Variants in ZSCAN5A observed in about 807,000 individuals in gnomAD.
ZSCAN5A encodes the protein zinc finger and SCAN domain containing 5A.
A neutral mutation model predicts 23.7 loss-of-function variants in ZSCAN5A; 12 were observed. That is an observed-to-expected ratio of 0.51 (90% CI 0.32 to 0.82). The LOEUF (loss-of-function observed/expected upper bound fraction) is 0.82, where lower values mean the gene tolerates loss of function less well. Ranked by LOEUF, ZSCAN5A falls within the 40% of genes least tolerant of loss-of-function variation. The pLI is 0.03. For missense variants in ZSCAN5A, 597 were observed against 617.9 expected, an observed-to-expected ratio of 0.97 and a Z score of 0.36; for synonymous variants, 257 against 239.9, an observed-to-expected ratio of 1.07 and a Z score of -0.66.
chr19:56,224,613 C>G (rs35387551), intron 3 of ZSCAN5A, 50 bp downstream of exon 3: 12 of 1,537,136 alleles, frequency 7.8e-6, no homozygotes, highest in Non-Finnish European at 1.1e-5. Flanking sequence ...CACCGTGCAG[C>G]CCCCATCCCA....
At chr19:56,324,163 A>C (rs1037909822) in intron 2 of ZSCAN5A, among the ~76,000 whole-genome samples, 6 of 152,096 alleles carry the variant, frequency 3.9e-5, no homozygotes, top group African/African-American at 1.4e-4. Context: ...ACCACCAATC[A>C]ACTCTCTAAT....
intron 2 of ZSCAN5A, among the ~76,000 whole-genome samples, chr19:56,306,877 C>T (rs374826165): frequency 5.0e-3 from 134 of 26,942 alleles, no homozygotes; most frequent in Admixed American, 6.4e-3. Flanking sequence ...CCTCCCTGGC[C>T]TCTCCCACGT....
intron 2 of ZSCAN5A, among the ~76,000 whole-genome samples, chr19:56,265,996 G>C (rs1342602626): frequency 6.6e-6 from 1 of 152,206 alleles, no homozygotes; most frequent in African/African-American, 2.4e-5. Context: ...TCAGGGTATA[G>C]AGACTTAGCA....
At chr19:56,287,954 C>T (rs2039250851) in intron 2 of ZSCAN5A, among the ~76,000 whole-genome samples, 1 of 152,224 alleles carries the variant, frequency 6.6e-6, no homozygotes, top group African/African-American at 2.4e-5. Context: ...ACTCTCGCAT[C>T]CTGGGAACCC....
chr19:56,276,130 A>T (rs913619919), intron 2 of ZSCAN5A, among the ~76,000 whole-genome samples: 2 of 152,150 alleles, frequency 1.3e-5, no homozygotes, highest in African/African-American at 4.8e-5. Context: ...TGGAACCCCC[A>T]AGTCTGTATT....
At chr19:56,237,481 A>G (rs557899829) in intron 2 of ZSCAN5A, among the ~76,000 whole-genome samples, 1 of 152,302 alleles carries the variant, frequency 6.6e-6, no homozygotes, top group African/African-American at 2.4e-5. Context: ...GGTTTAGGGT[A>G]GGCTAGGCTA....
In ZSCAN5A at chr19:56,244,006, C is replaced by G. The variant is rs1016634148; in HGVS notation, c.-127-18833G>C. 2.7e-5 allele frequency: 20 copies of G among 747,430 alleles called. No individual in the cohort carries two copies. In the African/African-American group the frequency reaches 3.5e-4, roughly 13 times the overall value. 46.3% of individuals were successfully genotyped at this position (747,430 alleles called of 1,614,324 possible). A position where few individuals can be genotyped will look rare whatever the true frequency, so the allele number is the denominator to read the frequency against. On this transcript the variant is annotated intron_variant, in intron 2 of 5. Coordinates refer to ENST00000683990, the MANE Select transcript of ZSCAN5A (RefSeq NM_001322064.3). The stretch of plus-strand genomic sequence containing the variant: ...AATTAGACACCAGCTACTGGAAGAA[C>G]TTTCTCAGAGACTGACTGAAATATT...
chr19:56,223,729 G>A lies in ZSCAN5A; in HGVS notation c.490C>T (p.Gln164Ter). ...VRDDLKDVSS[Q>*]RASSVNQMRP... is the part of the protein sequence containing the mutation. ...ATCTGGTTCACCGAGGAGGCCCGTT[G>A]GCTGGACACGTCTTTCAGATCATCT... The change falls in exon 4 of 6, where the codon CAA becomes TAA. Residue 164 changes from glutamine to a stop codon, truncating the protein, a stop_gained. Transcript: ENST00000683990. LOFTEE classifies it high-confidence loss of function. The A allele has an allele frequency of 6.2e-7, 1 of 1,613,952 alleles. No homozygotes were observed. Among genetic ancestry groups the A allele is most frequent in the Non-Finnish European group, 8.5e-7 (1 of 1,180,022 alleles).
At chr19:56,343,271 G>A in intron 2 of ZSCAN5A, 1 of 811,154 alleles carries the variant, frequency 1.2e-6, no homozygotes, top group Non-Finnish European at 2.0e-6. Context: ...CCTCTGTGAG[G>A]AGGCTTTGCC....
chr19:56,226,296 AGAG>A (rs1407212904), intron 2 of ZSCAN5A, among the ~76,000 whole-genome samples: 2 of 152,140 alleles, frequency 1.3e-5, no homozygotes, highest in African/African-American at 4.8e-5. Context: ...GAGACAACCC[AGAG>A]GAGGAGACAA....
chr19:56,366,199 T>C (rs1448420170), intron 1 of ZSCAN5A, among the ~76,000 whole-genome samples: 2 of 152,056 alleles, frequency 1.3e-5, no homozygotes, highest in Non-Finnish European at 2.9e-5. Flanking sequence ...GACTGAAACC[T>C]TTGGGAGGCC....
upstream of ZSCAN5A, among the ~76,000 whole-genome samples, chr19:56,319,041 C>T (rs533564902): frequency 2.6e-5 from 4 of 152,270 alleles, no homozygotes; most frequent in East Asian, 7.7e-4. Context: ...AAAAGGCAAT[C>T]CCTGCATACC....
chr19:56,318,840 G>A (rs1478426938), upstream of ZSCAN5A, among the ~76,000 whole-genome samples: 1 of 152,158 alleles, frequency 6.6e-6, no homozygotes, highest in African/African-American at 2.4e-5. Context: ...TAAATTGATT[G>A]AAAGCAGGAA....
intron 2 of ZSCAN5A, among the ~76,000 whole-genome samples, chr19:56,334,148 C>T (rs906189102): frequency 3.3e-4 from 50 of 152,336 alleles, no homozygotes; most frequent in African/African-American, 1.2e-3. Context: ...GCACCAGTGT[C>T]AACCATGTAC....
intron 2 of ZSCAN5A, among the ~76,000 whole-genome samples, chr19:56,230,263 C>T (rs1220671283): frequency 6.6e-6 from 1 of 152,012 alleles, no homozygotes; most frequent in African/African-American, 2.4e-5. Context: ...TTTTTCTATA[C>T]TTAATAGAAA....
rs542779647 is a variant in ZSCAN5A, at chr19:56,280,644, T to C, written c.-128+32639A>G. Reference sequence around the variant, plus strand: ...TTTATTGGCTCATGTTTCTGGAGGCTGAGAAGTCCAAGATTGAGGGGTTGG... The same window carrying C: ...TTTATTGGCTCATGTTTCTGGAGGCCGAGAAGTCCAAGATTGAGGGGTTGG... On this transcript the variant is annotated intron_variant, in intron 2 of 5. Transcript: ENST00000683990. 2.0e-5 allele frequency: 3 copies of C among 152,350 alleles called. No homozygotes were observed. The East Asian group carries it at 5.8e-4, about 29-fold the overall frequency. The allele number at this position is 152,350 out of a possible 1,614,324, so 9.4% of individuals were successfully genotyped here.
chr19:56,315,873 A>G (rs1228394360), upstream of ZSCAN5A: 1 of 152,050 alleles, frequency 6.6e-6, no homozygotes, highest in Non-Finnish European at 1.5e-5. Context: ...GCACACAATG[A>G]CCCTTCAAAT....
chr19:56,275,893 A>G (rs2147001529), intron 2 of ZSCAN5A, among the ~76,000 whole-genome samples: 1 of 152,334 alleles, frequency 6.6e-6, no homozygotes, highest in African/African-American at 2.4e-5. Flanking sequence ...TGATGAACGA[A>G]TGGACTTATC....
chr19:56,284,045 C>A, intron 2 of ZSCAN5A: 1 of 296,350 alleles, frequency 3.4e-6, no homozygotes, highest in Non-Finnish European at 5.0e-6. Context: ...CTTGTGGATT[C>A]TACTTCCCAA....
Sources: allele counts gnomAD v4.1 joint callset (sites outside exome capture counted in the v4.1 genomes callset), GRCh38; gene constraint gnomAD v4.1.1; transcripts MANE v1.5; gene names NCBI Gene and HGNC (gene_info 2026-07-23, HGNC 2026-07-21).